SVEP1: variants seen among roughly 807,000 people sequenced by gnomAD.
SVEP1 encodes sushi, von Willebrand factor type A, EGF and pentraxin domain containing 1.
A neutral mutation model predicts 367.3 loss-of-function variants in SVEP1; 164 were observed. The ratio of observed to expected loss-of-function variants is 0.45; its 90% CI spans 0.39 to 0.51. The LOEUF is 0.51. SVEP1 is among the 20% of genes least tolerant of loss of function. SVEP1 has a pLI of 0.00. For missense variants in SVEP1, 4,117 were observed against 4,425.3 expected (o/e 0.93, Z 1.98); for synonymous variants, 1,666 against 1,611.6 (o/e 1.03, Z -0.81).
intron 45 of SVEP1, 88 bp from the exon 46 acceptor site, chr9:110,375,551 T>C: frequency 8.2e-7 from 1 of 1,220,904 alleles, no homozygotes; most frequent in Non-Finnish European, 1.1e-6. Flanking sequence ...GGTTCAAGGG[T>C]TCAGAAAACA....
Position 110,446,944 on chromosome 9 carries a change from C to G in SVEP1, c.4217G>C (p.Ser1406Thr), listed in dbSNP as rs1405565579. ...TGAAAATCCTGGCTGACATTTACAA[C>G]TGTATGAATTTAATTCATCCACACA... ...ATCVDELNSY[S>T]CKCQPGFSGK... Residue 1406 changes from serine (S) to threonine (T), a missense_variant, in exon 25 of 48, where the codon AGT (serine) becomes ACT (threonine). This residue lies in a region of SVEP1 where 2,174 missense variants were observed against 2,494.3 expected (regional missense o/e 0.87). Transcript: ENST00000374469. The G allele has an allele frequency of 6.5e-7, 1 of 1,544,312 alleles. No homozygotes were observed. The highest frequency in any genetic ancestry group is 2.0e-5 in the Admixed American group (1 of 49,834).
intron 20 of SVEP1, 109 bp from the exon 21 acceptor site, chr9:110,457,461 C>T (rs1208428932): frequency 1.2e-6 from 1 of 832,732 alleles, no homozygotes; most frequent in East Asian, 2.7e-5. Context: ...CCTCCTGTTT[C>T]CAGGTAAGTT....
At chr9:110,555,285 A>ACAT (rs775962726) in intron 1 of SVEP1, among the ~76,000 whole-genome samples, 4 of 152,268 alleles carry the variant, frequency 2.6e-5, no homozygotes, top group African/African-American at 4.8e-5. Flanking sequence ...GGCACAGAGT[A>ACAT]CATGTTCATA....
chr9:110,578,092 T>C (rs191004381), intron 1 of SVEP1, among the ~76,000 whole-genome samples: 1 of 152,332 alleles, frequency 6.6e-6, no homozygotes, highest in East Asian at 1.9e-4. Flanking sequence ...GGAACTTTTA[T>C]AGAAATTCTT....
At chr9:110,390,009 A>AT in intron 40 of SVEP1, among the ~76,000 whole-genome samples, 1 of 128,558 alleles carries the variant, frequency 7.8e-6, no homozygotes, top group Non-Finnish European at 1.7e-5. Context: ...ATGTATACAC[A>AT]TAAGTGTGTG....
chr9:110,571,033 A>G (rs2118883558), intron 1 of SVEP1, among the ~76,000 whole-genome samples: 1 of 145,334 alleles, frequency 6.9e-6, no homozygotes, highest in Non-Finnish European at 1.5e-5. Context: ...CTGGAGTTCA[A>G]TGACGCGATC....
chr9:110,447,919 T>C (rs1446785271), intron 24 of SVEP1, among the ~76,000 whole-genome samples: 1 of 151,920 alleles, frequency 6.6e-6, no homozygotes, highest in Non-Finnish European at 1.5e-5. Flanking sequence ...CAAAGCCAAA[T>C]GTAACCTCCT....
Position 110,502,988 on chromosome 9 carries a change from A to G in SVEP1, c.1483+50T>C, listed in dbSNP as rs781261282. 3 of 1,558,896 alleles carry G rather than the reference A, an allele frequency of 1.9e-6. No individual in the cohort carries two copies. In the East Asian group the frequency reaches 6.7e-5, roughly 35 times the overall value. On this transcript the variant is annotated intron_variant, in intron 6 of 47. Coordinates refer to ENST00000374469, the MANE Select transcript of SVEP1 (RefSeq NM_153366.4). ...GTCTTCACAGAATACTGGAGAAATC[A>G]GAGCAGAGGAAATGAATCACTCAAG...
At chr9:110,387,000 A>G (rs1447490563) in intron 42 of SVEP1, among the ~76,000 whole-genome samples, 1 of 96,758 alleles carries the variant, frequency 1.0e-5, no homozygotes, top group African/African-American at 3.3e-5. Flanking sequence ...TTTCTTTCCT[A>G]TCCCCAGTAG....
At chr9:110,502,967 T>C in intron 6 of SVEP1, 71 bp downstream of exon 6, 1 of 1,515,428 alleles carries the variant, frequency 6.6e-7, no homozygotes, top group Non-Finnish European at 8.9e-7. Flanking sequence ...TTTTAGGTCT[T>C]CACAGAATAC....
At chr9:110,566,829 T>C (rs1297780611) in intron 1 of SVEP1, among the ~76,000 whole-genome samples, 1 of 152,224 alleles carries the variant, frequency 6.6e-6, no homozygotes, top group African/African-American at 2.4e-5. Flanking sequence ...CAGATTCTCT[T>C]CAGAACTCAC....
In SVEP1 at chr9:110,458,573, A is replaced by G; in HGVS notation, c.3485-11T>C. On this transcript the variant is annotated splice_polypyrimidine_tract_variant and intron_variant, in intron 19 of 47. Coordinates refer to ENST00000374469, the MANE Select transcript of SVEP1 (RefSeq NM_153366.4). ...AAGTTGAACTAAAACCTAATCAATT[A>G]ATAGAAAAACATGTCAGTGTGGCAA... is the stretch of plus-strand genomic sequence containing the variant. The G allele has an allele frequency of 1.2e-6, 2 of 1,602,644 alleles. No homozygotes were observed. The highest frequency in any genetic ancestry group is 2.2e-5 in the East Asian group (1 of 44,672).
intron 43 of SVEP1, among the ~76,000 whole-genome samples, chr9:110,380,737 A>ATTGT: frequency 6.6e-6 from 1 of 152,092 alleles, no homozygotes; most frequent in East Asian, 1.9e-4. Flanking sequence ...CTCCTTTTCA[A>ATTGT]TTGTTTGGAA....
chr9:110,406,740 C>A lies in SVEP1; in HGVS notation c.8860G>T (p.Asp2954Tyr). The A allele has an allele frequency of 6.2e-7, 1 of 1,614,044 alleles. No homozygotes were observed. The highest frequency in any genetic ancestry group is 1.1e-5 in the South Asian group (1 of 91,082). The change falls in exon 38 of 48, where the codon GAT (aspartate) becomes TAT (tyrosine). Residue 2954 changes from aspartate to tyrosine, a missense_variant. Physicochemically the swap from Asp to Tyr is radical, Grantham distance 160. Transcript: ENST00000374469. Reference protein sequence around the residue: ...CKPVNCGPPEDLAHGFPNGFS... With the variant: ...CKPVNCGPPEYLAHGFPNGFS... ...CCATTAGGGAAACCATGGGCAAGATCTTCAGGAGGTCCACAGTTGACTGGT... is the reference window on the plus strand; with the variant it reads ...CCATTAGGGAAACCATGGGCAAGATATTCAGGAGGTCCACAGTTGACTGGT...
rs781088724 is a variant in SVEP1 at position 110,579,588 on chromosome 9, C to G, written c.-45G>C. 3 of 1,518,818 alleles carry G rather than the reference C, an allele frequency of 2.0e-6. No individual in the cohort carries two copies. The highest frequency in any genetic ancestry group is 2.6e-6 in the Non-Finnish European group (3 of 1,138,684). 94.1% of individuals were successfully genotyped at this position (1,518,818 alleles called of 1,614,324 possible). On this transcript the variant is annotated 5_prime_UTR_variant, in exon 1 of 48. Transcript: ENST00000374469. This position sits in a 1 kb window ranked among gnomAD's most constrained non-coding sequence, Gnocchi z 5.3. ...CTGCCCCGGAGCGCAGGCGGCGGCT[C>G]GGGCGGGAAGAGGCGCTGGGCGGCC...
Position 110,436,361 on chromosome 9 carries a change from C to A in SVEP1, c.4764+19G>T, listed in dbSNP as rs189189041. The A allele has an allele frequency of 3.0e-4, 485 of 1,613,768 alleles. 1 individual carries two copies. The highest frequency in any genetic ancestry group is 2.5e-3 in the South Asian group (229 of 91,052). The stretch of plus-strand genomic sequence containing the variant: ...ACCTTTGCATCTCATTACTGTCATA[C>A]ACTGAAAATGGAATTGACCTGCTGT... On this transcript the variant is annotated intron_variant, in intron 28 of 47. Transcript: ENST00000374469.
intron 3 of SVEP1, among the ~76,000 whole-genome samples, chr9:110,523,887 G>A (rs1237381236): frequency 6.6e-6 from 1 of 151,662 alleles, no homozygotes; most frequent in Non-Finnish European, 1.5e-5. Context: ...AGAAAAAAAA[G>A]AAAATATAGA....
intron 36 of SVEP1, 130 bp downstream of exon 36, chr9:110,427,461 A>G (rs1317443840): frequency 9.0e-7 from 1 of 1,115,536 alleles, no homozygotes; most frequent in Non-Finnish European, 1.3e-6. Flanking sequence ...TAGGAAATAA[A>G]AGCATAAGGC....
At chr9:110,435,417 G>C (rs1828418557) in intron 28 of SVEP1, 53 bp from the exon 29 acceptor site, 9 of 1,587,326 alleles carry the variant, frequency 5.7e-6, no homozygotes, top group Non-Finnish European at 7.7e-6. Context: ...TTAAGATGGA[G>C]TTATTACACA....
Sources: gnomAD v4.1 joint callset for allele counts (sites outside exome capture counted in the v4.1 genomes callset) on GRCh38, gnomAD v4.1.1 for gene constraint, gnomAD v4.1.1 regional missense constraint, Gnocchi (gnomAD v3.1) non-coding constraint, MANE v1.5 for transcripts, NCBI Gene and HGNC (gene_info 2026-07-23, HGNC 2026-07-21) for gene names.